The following HOOK3 variants were observed in gnomAD, a reference collection of about 807,000 sequenced individuals.
HOOK3 encodes the protein protein Hook homolog 3.
Under a neutral mutation model 116.3 loss-of-function variants are expected in HOOK3, and 24 were observed. The observed-to-expected ratio is 0.21, with a 90% CI of 0.15 to 0.29. HOOK3 has a LOEUF of 0.29. HOOK3 is among the 10% of genes least tolerant of loss of function. HOOK3 has a pLI of 1.00. For missense variants in HOOK3, 632 were observed against 830.2 expected (o/e 0.76, Z 2.93); for synonymous variants, 275 against 283.0 (o/e 0.97, Z 0.28).
chr8:42,979,423 T>C (rs1385867592), intron 13 of HOOK3, among the ~76,000 whole-genome samples: 3 of 152,190 alleles, frequency 2.0e-5, no homozygotes, highest in African/African-American at 7.2e-5. Flanking sequence ...AGAACCACAC[T>C]TCGCTCAAGG....
chr8:42,955,565 G>A (rs1471834033), intron 6 of HOOK3, among the ~76,000 whole-genome samples: 4 of 152,198 alleles, frequency 2.6e-5, no homozygotes, highest in African/African-American at 9.7e-5. Flanking sequence ...CGAAAGTAGG[G>A]AGGGGGCAAT....
rs528081040 is a variant in HOOK3 at position 42,958,587 on chromosome 8, T to A, written c.532-644T>A. On this transcript the variant is annotated intron_variant, in intron 7 of 21. Transcript: ENST00000307602. Reference sequence around the variant, plus strand: ...CGTATTCTAACTATTTTCACAACAGTTTTTGATAGTTTTTTTTTTTTTTTT... The same window carrying A: ...CGTATTCTAACTATTTTCACAACAGATTTTGATAGTTTTTTTTTTTTTTTT... Among the ~76,000 whole-genome samples the A allele has an allele frequency of 1.4e-4, 21 of 149,778 alleles. No individual in the cohort carries two copies. The South Asian group carries it at 4.4e-3, about 32-fold the overall frequency.
At chr8:43,003,319 C>T (rs1045229093) in intron 17 of HOOK3, among the ~76,000 whole-genome samples, 3 of 152,174 alleles carry the variant, frequency 2.0e-5, no homozygotes, top group East Asian at 1.9e-4. Flanking sequence ...ATACTCCTGG[C>T]GACAGATTTG....
intron 4 of HOOK3, among the ~76,000 whole-genome samples, chr8:42,933,529 T>G (rs551640145): frequency 6.6e-6 from 1 of 152,264 alleles, no homozygotes; most frequent in South Asian, 2.1e-4. Context: ...TTCATGGTTC[T>G]GTCATTGCCT....
At position 43,021,237 on chromosome 8, in the gene HOOK3, C is replaced by T; in HGVS notation, c.*2739C>T. ...CAGTCCTAATCTCCTACCCATCCAC[C>T]TACCCAGATATTTTTTCTCTATCTG... On this transcript the variant is annotated 3_prime_UTR_variant, in exon 22 of 22. Transcript: ENST00000307602. 1 of 206,574 alleles carries T rather than the reference C, an allele frequency of 4.8e-6. No homozygotes were observed. Among genetic ancestry groups the T allele is most frequent in the East Asian group, 7.3e-5 (1 of 13,620 alleles). The allele number at this position is 206,574 out of a possible 1,614,324, so 12.8% of individuals were successfully genotyped here. A position where few individuals can be genotyped will look rare whatever the true frequency, so the allele number is the denominator to read the frequency against.
chr8:42,982,081 C>G (rs1808959359), intron 13 of HOOK3, among the ~76,000 whole-genome samples: 1 of 150,170 alleles, frequency 6.7e-6, no homozygotes, highest in Non-Finnish European at 1.5e-5. Context: ...TGGTGAAACC[C>G]CATCTCTTCT....
rs1271241654 is a variant in HOOK3, at chr8:43,029,863, A to C, written c.*11365A>C. The C allele has an allele frequency of 9.3e-6, 2 of 214,238 alleles. No individual in the cohort carries two copies. The highest frequency in any genetic ancestry group is 1.4e-4 in the East Asian group (2 of 14,344). 13.3% of individuals were successfully genotyped at this position (214,238 alleles called of 1,614,324 possible). ...CTCTGAAGCCTTATATTCATGTCTT[A>C]AGTACCATTGATTGTTCTGTGAATT... On this transcript the variant is annotated 3_prime_UTR_variant, in exon 22 of 22. Transcript: ENST00000307602.
chr8:42,901,103 C>T (rs1338674052), intron 1 of HOOK3, among the ~76,000 whole-genome samples: 1 of 152,214 alleles, frequency 6.6e-6, no homozygotes, highest in Non-Finnish European at 1.5e-5. Flanking sequence ...GACAATAGCA[C>T]CCAACTCACA....
chr8:42,965,314 T>C (rs757064644), intron 9 of HOOK3, among the ~76,000 whole-genome samples: 6 of 151,036 alleles, frequency 4.0e-5, no homozygotes, highest in Admixed American at 6.6e-5. Flanking sequence ...TATAGACTTA[T>C]AGAAATCTAT....
intron 5 of HOOK3, among the ~76,000 whole-genome samples, chr8:42,943,815 G>GT (rs1488594990): frequency 6.6e-6 from 1 of 152,158 alleles, no homozygotes; most frequent in African/African-American, 2.4e-5. Context: ...ACATATATCT[G>GT]TAACAGATGC....
intron 8 of HOOK3, among the ~76,000 whole-genome samples, chr8:42,961,978 G>T (rs1808541984): frequency 6.6e-6 from 1 of 151,998 alleles, no homozygotes; most frequent in African/African-American, 2.4e-5. Context: ...GTAGAGTTGG[G>T]GTTTTGCCAT....
At chr8:42,956,457 G>A (rs984720767) in intron 6 of HOOK3, among the ~76,000 whole-genome samples, 21 of 151,846 alleles carry the variant, frequency 1.4e-4, no homozygotes, top group Non-Finnish European at 2.9e-4. Flanking sequence ...TAGGCTTGCG[G>A]TGAAAATGAG....
chr8:42,970,843 A>G (rs1401707405), intron 11 of HOOK3, among the ~76,000 whole-genome samples: 1 of 138,906 alleles, frequency 7.2e-6, no homozygotes, highest in African/African-American at 2.8e-5. Context: ...GCTAGAGTGC[A>G]GTGGTGCAGT....
chr8:42,905,880 G>A (rs561019123), intron 1 of HOOK3, among the ~76,000 whole-genome samples: 2 of 151,956 alleles, frequency 1.3e-5, no homozygotes, highest in African/African-American at 4.8e-5. Flanking sequence ...GAGGTCAGGG[G>A]TACAAGACCA....
intron 15 of HOOK3, among the ~76,000 whole-genome samples, chr8:42,987,474 C>T (rs532770544): frequency 6.6e-6 from 1 of 152,252 alleles, no homozygotes; most frequent in South Asian, 2.1e-4. Context: ...TAGAGTTTAC[C>T]ATTTCCACAG....
intron 17 of HOOK3, among the ~76,000 whole-genome samples, chr8:43,005,180 G>GCC (rs1554515770): frequency 8.8e-6 from 1 of 113,340 alleles, no homozygotes; most frequent in Non-Finnish European, 1.7e-5. Flanking sequence ...AAAATTAAGT[G>GCC]CTCTCTCTCT....
intron 1 of HOOK3, 73 bp from the exon 2 acceptor site, chr8:42,906,100 A>AG: frequency 1.2e-6 from 1 of 865,578 alleles, no homozygotes; most frequent in Non-Finnish European, 1.8e-6. Context: ...AAAAAAAAAA[A>AG]AAAAAGGCCT....
intron 19 of HOOK3, among the ~76,000 whole-genome samples, chr8:43,011,392 G>A (rs1041307313): frequency 6.6e-6 from 1 of 152,064 alleles, no homozygotes; most frequent in African/African-American, 2.4e-5. Flanking sequence ...TATGCATTAT[G>A]AGGCCTGAAT....
At chr8:42,981,252 CTTG>C (rs1406563211) in intron 13 of HOOK3, among the ~76,000 whole-genome samples, 1 of 151,586 alleles carries the variant, frequency 6.6e-6, no homozygotes, top group East Asian at 2.0e-4. Flanking sequence ...GGGGTTTCAC[CTTG>C]TTGTTCAGGC....
Sources: allele counts gnomAD v4.1 joint callset (sites outside exome capture counted in the v4.1 genomes callset), GRCh38; gene constraint gnomAD v4.1.1; transcripts MANE v1.5; gene names NCBI Gene and HGNC (gene_info 2026-07-23, HGNC 2026-07-21).